FOXN3: variants seen among roughly 807,000 people sequenced by gnomAD.
The protein encoded by FOXN3 is forkhead box protein N3.
In FOXN3, 7 loss-of-function variants were observed where a neutral mutation model predicts 38.4. The observed-to-expected ratio is 0.18, with a 90% confidence interval of 0.10 to 0.34. The LOEUF is 0.34. FOXN3 is among the 10% of genes least tolerant of loss of function. FOXN3 has a pLI of 1.00. For missense variants in FOXN3, 456 were observed against 613.4 expected, an observed-to-expected ratio of 0.74 and a Z score of 2.71; for synonymous variants, 230 against 242.2, an observed-to-expected ratio of 0.95 and a Z score of 0.47.
chr14:89,531,358 C>T (rs1237352047), intron 1 of FOXN3, among the ~76,000 whole-genome samples: 3 of 152,004 alleles, frequency 2.0e-5, no homozygotes, highest in Admixed American at 1.3e-4. Flanking sequence ...ATAATAAATA[C>T]ATATATCATT....
intron 3 of FOXN3, among the ~76,000 whole-genome samples, chr14:89,282,404 C>G (rs2139920092): frequency 6.6e-6 from 1 of 152,306 alleles, no homozygotes; most frequent in African/African-American, 2.4e-5. Flanking sequence ...AGGAGCTTCA[C>G]AGGGTAACAG....
chr14:89,553,443 T>C (rs1895050991), intron 1 of FOXN3, among the ~76,000 whole-genome samples: 1 of 141,404 alleles, frequency 7.1e-6, no homozygotes, highest in Non-Finnish European at 1.5e-5. Context: ...TCAAATAACA[T>C]GAAAGTGAAA....
chr14:89,512,807 G>GGGCA (rs760304130), intron 1 of FOXN3, among the ~76,000 whole-genome samples: 2 of 152,170 alleles, frequency 1.3e-5, no homozygotes, highest in Non-Finnish European at 2.9e-5. Context: ...GGTGGTGTGG[G>GGGCA]GGCAGACTTT....
chr14:89,454,265 C>T (rs529003437), intron 1 of FOXN3, among the ~76,000 whole-genome samples: 39 of 152,254 alleles, frequency 2.6e-4, no homozygotes, highest in African/African-American at 9.4e-4. Context: ...GATTGCACCA[C>T]TGTACTCCAG....
chr14:89,493,623 G>A (rs1893623864), intron 1 of FOXN3, among the ~76,000 whole-genome samples: 3 of 152,128 alleles, frequency 2.0e-5, no homozygotes. Flanking sequence ...ATTTACATAA[G>A]CTTTCAGAAA....
intron 4 of FOXN3, among the ~76,000 whole-genome samples, chr14:89,235,843 C>A (rs762381193): frequency 4.5e-5 from 6 of 134,042 alleles, no homozygotes; most frequent in Admixed American, 1.4e-4. Context: ...AAAGCGGCTT[C>A]TCTCCTATTT....
chr14:89,516,098 A>C (rs1289621187), intron 1 of FOXN3, among the ~76,000 whole-genome samples: 1 of 152,100 alleles, frequency 6.6e-6, no homozygotes, highest in Non-Finnish European at 1.5e-5. Flanking sequence ...TTCATCCGCA[A>C]GTTGTGCATC....
At chr14:89,387,682 G>A (rs781755826) in intron 2 of FOXN3, among the ~76,000 whole-genome samples, 2 of 152,218 alleles carry the variant, frequency 1.3e-5, no homozygotes, top group African/African-American at 2.4e-5. Context: ...AGATTAATAA[G>A]ATCAGGAGTA....
At chr14:89,524,379 A>G (rs1159346679) in intron 1 of FOXN3, among the ~76,000 whole-genome samples, 5 of 110,048 alleles carry the variant, frequency 4.5e-5, no homozygotes, top group Non-Finnish European at 7.1e-5. Flanking sequence ...CTCAAAAAAA[A>G]AAAAAAAAAA....
At position 89,163,069 on chromosome 14, in the gene FOXN3, T is replaced by C; in HGVS notation, c.852-100A>G. 8.7e-7 allele frequency: 1 copy of C among 1,153,676 alleles called. No homozygotes were observed. The highest frequency in any genetic ancestry group is 2.9e-4 in the Middle Eastern group (1 of 3,470). 71.5% of individuals were successfully genotyped at this position (1,153,676 alleles called of 1,614,324 possible). On this transcript the variant is annotated intron_variant, in intron 5 of 5. Transcript: ENST00000557258. This position sits in a 1 kb window ranked among gnomAD's most constrained non-coding sequence, Gnocchi z 4.3. ...CCGGCAGCCCGCCTGCATTCAACCA[T>C]CAGTCCCTTTGTGTTCAATGGAGCC...
intron 1 of FOXN3, among the ~76,000 whole-genome samples, chr14:89,533,860 C>A (rs1219069163): frequency 6.6e-5 from 10 of 151,948 alleles, no homozygotes; most frequent in African/African-American, 2.4e-4. Flanking sequence ...GGTGATCTGA[C>A]CTATAACCAA....
intron 3 of FOXN3, among the ~76,000 whole-genome samples, chr14:89,291,775 C>T (rs1476633268): frequency 6.6e-6 from 1 of 152,196 alleles, no homozygotes; most frequent in African/African-American, 2.4e-5. Flanking sequence ...CTGCGATTGA[C>T]CTACGGCCGG....
At chr14:89,191,955 TATATATACAC>T (rs897481744) in intron 4 of FOXN3, among the ~76,000 whole-genome samples, 1,375 of 74,778 alleles carry the variant, frequency 0.018, 79 homozygotes, top group African/African-American at 0.092. Flanking sequence ...TTAGTATATA[TATATATACAC>T]ATATATATAA....
Position 89,511,263 on chromosome 14 carries a change from CTTT to C in FOXN3, c.-14-98776_-14-98774del, listed in dbSNP as rs1566681361. On this transcript the variant is annotated intron_variant, in intron 1 of 6. Coordinates refer to the FOXN3 transcript ENST00000345097. ...TTTTCTTTCTTTTCTTTCTTTCTTT[CTTT>C]CTTTCTTTCTTTCTTTCTTTCTTTC... is the stretch of plus-strand genomic sequence containing the variant. Among the ~76,000 whole-genome samples, 17 of 41,284 alleles carry C rather than the reference CTTT, an allele frequency of 4.1e-4. 4 individuals carry two copies. Among genetic ancestry groups the C allele is most frequent in the African/African-American group, 9.2e-4 (12 of 13,088 alleles). The allele number at this position is 41,284 out of a possible 152,430, so 27.1% of individuals were successfully genotyped here.
At chr14:89,228,348 T>C (rs956931665) in intron 4 of FOXN3, among the ~76,000 whole-genome samples, 1 of 152,232 alleles carries the variant, frequency 6.6e-6, no homozygotes, top group Non-Finnish European at 1.5e-5. Context: ...ACGTTCTGGG[T>C]TATGAACGTT....
intron 1 of FOXN3, among the ~76,000 whole-genome samples, chr14:89,551,635 T>C (rs903198196): frequency 1.3e-5 from 2 of 152,124 alleles, no homozygotes; most frequent in African/African-American, 4.8e-5. Context: ...GACGAGTGTG[T>C]AGTCCCCTCG....
intron 2 of FOXN3, among the ~76,000 whole-genome samples, chr14:89,384,993 C>T (rs748929401): frequency 6.6e-6 from 1 of 152,314 alleles, no homozygotes; most frequent in Non-Finnish European, 1.5e-5. Context: ...TGTCTCTCCC[C>T]TAAGTCGGCA....
intron 1 of FOXN3, among the ~76,000 whole-genome samples, chr14:89,565,274 T>C (rs1426990506): frequency 6.6e-6 from 1 of 152,054 alleles, no homozygotes; most frequent in African/African-American, 2.4e-5. Flanking sequence ...TCCTGGAGCC[T>C]TCAGGCTGCA....
chr14:89,339,074 C>T (rs1048930085), intron 3 of FOXN3, among the ~76,000 whole-genome samples: 2 of 152,082 alleles, frequency 1.3e-5, no homozygotes, highest in African/African-American at 2.4e-5. Context: ...GATCTCGGCT[C>T]ACTGCAACCT....
Sources: allele counts gnomAD v4.1 joint callset (sites outside exome capture counted in the v4.1 genomes callset), GRCh38; gene constraint gnomAD v4.1.1; non-coding constraint Gnocchi (gnomAD v3.1); transcripts MANE v1.5; gene names NCBI Gene and HGNC (gene_info 2026-07-23, HGNC 2026-07-21).